Variants in GSTCD observed in about 807,000 individuals in gnomAD.
The protein encoded by GSTCD is glutathione S-transferase C-terminal domain containing, also known as glutathione S-transferase C-terminal domain-containing protein.
GSTCD carries 44 observed loss-of-function variants against 68.3 expected under a neutral mutation model. The observed-to-expected ratio is 0.64, with a 90% CI of 0.51 to 0.83. The LOEUF (loss-of-function observed/expected upper bound fraction) is 0.83, where lower values mean the gene tolerates loss of function less well. Ranked by LOEUF, GSTCD falls within the 40% of genes least tolerant of loss-of-function variation. The pLI, the probability that GSTCD is intolerant of heterozygous loss-of-function variation, is 0.00. For synonymous variants in GSTCD, 273 were observed against 255.2 expected (o/e 1.07, Z -0.67); for missense variants, 739 against 735.9 (o/e 1.00, Z -0.05).
chr4:105,794,292 T>C (rs566730610), intron 5 of GSTCD, among the ~76,000 whole-genome samples: 6 of 152,078 alleles, frequency 3.9e-5, no homozygotes, highest in Non-Finnish European at 8.8e-5. Context: ...CAGAGGATAT[T>C]TAGGGCAATG....
chr4:105,713,974 T>A (rs1191795268), intron 1 of GSTCD, among the ~76,000 whole-genome samples: 2 of 152,008 alleles, frequency 1.3e-5, no homozygotes, highest in African/African-American at 4.8e-5. Flanking sequence ...TGTTTATCTC[T>A]CATTCTCTGT....
intron 7 of GSTCD, 39 bp downstream of exon 7, chr4:105,823,314 A>G (rs776159492): frequency 2.5e-6 from 4 of 1,602,140 alleles, no homozygotes; most frequent in Non-Finnish European, 2.6e-6. Context: ...ATATTTTAAA[A>G]TTATACAGTT....
intron 3 of GSTCD, among the ~76,000 whole-genome samples, chr4:105,721,558 T>A (rs1171304102): frequency 6.6e-6 from 1 of 152,062 alleles, no homozygotes; most frequent in Non-Finnish European, 1.5e-5. Flanking sequence ...AGGGTCAAAA[T>A]TAGAAGAACT....
intron 8 of GSTCD, among the ~76,000 whole-genome samples, chr4:105,831,322 G>C (rs1723885206): frequency 6.6e-6 from 1 of 152,128 alleles, no homozygotes; most frequent in African/African-American, 2.4e-5. Context: ...CCTTTTACAG[G>C]TAGAGAATTT....
At chr4:105,789,878 C>T (rs968595097) in intron 5 of GSTCD, among the ~76,000 whole-genome samples, 21 of 151,416 alleles carry the variant, frequency 1.4e-4, no homozygotes, top group Non-Finnish European at 2.5e-4. Context: ...GGGCCAGCTT[C>T]CTGATCTCTC....
intron 1 of GSTCD, among the ~76,000 whole-genome samples, chr4:105,716,219 A>T (rs1444060520): frequency 6.6e-6 from 1 of 152,218 alleles, no homozygotes; most frequent in African/African-American, 2.4e-5. Flanking sequence ...GGAAGAAAAA[A>T]CATAGATGGA....
chr4:105,776,593 A>AGTT (rs1300465932), intron 5 of GSTCD, among the ~76,000 whole-genome samples: 1 of 151,996 alleles, frequency 6.6e-6, no homozygotes, highest in Non-Finnish European at 1.5e-5. Flanking sequence ...TAGGGGAGGG[A>AGTT]GTTCCCTGAC....
At chr4:105,790,003 A>C (rs548520568) in intron 5 of GSTCD, among the ~76,000 whole-genome samples, 1 of 152,080 alleles carries the variant, frequency 6.6e-6, no homozygotes, top group African/African-American at 2.4e-5. Flanking sequence ...ATTCACTGCA[A>C]CTCACCAGAT....
chr4:105,825,208 T>A (rs192349866), intron 7 of GSTCD, among the ~76,000 whole-genome samples: 240 of 152,084 alleles, frequency 1.6e-3, no homozygotes, highest in African/African-American at 5.6e-3. Flanking sequence ...CAGCTCACTA[T>A]AACCTCTGCT....
intron 5 of GSTCD, among the ~76,000 whole-genome samples, chr4:105,808,935 C>T (rs976834363): frequency 1.3e-5 from 2 of 152,028 alleles, no homozygotes; most frequent in African/African-American, 4.8e-5. Flanking sequence ...TGCAATATTG[C>T]AGTGCTTGAG....
intron 5 of GSTCD, among the ~76,000 whole-genome samples, chr4:105,813,016 A>G (rs1463774185): frequency 6.6e-6 from 1 of 152,180 alleles, no homozygotes; most frequent in Non-Finnish European, 1.5e-5. Context: ...TAAAGGATTT[A>G]TGTTTTCTGG....
intron 5 of GSTCD, among the ~76,000 whole-genome samples, chr4:105,748,512 GTTAT>G (rs1175032863): frequency 1.3e-5 from 2 of 152,060 alleles, no homozygotes; most frequent in African/African-American, 2.4e-5. Context: ...TTGTCAAAAT[GTTAT>G]TTAAAGTGTT....
chr4:105,755,432 TCTC>T (rs2149230776), intron 5 of GSTCD, among the ~76,000 whole-genome samples: 1 of 152,230 alleles, frequency 6.6e-6, no homozygotes, highest in East Asian at 1.9e-4. Flanking sequence ...TACTATCTGA[TCTC>T]CTGCTGTGGC....
At chr4:105,735,670 G>A (rs1733437137) in intron 5 of GSTCD, among the ~76,000 whole-genome samples, 1 of 152,052 alleles carries the variant, frequency 6.6e-6, no homozygotes, top group Admixed American at 6.5e-5. Flanking sequence ...TCAATGGGCA[G>A]CACCCACTGT....
chr4:105,767,049 A>G (rs1414241895), intron 5 of GSTCD, among the ~76,000 whole-genome samples: 1 of 152,018 alleles, frequency 6.6e-6, no homozygotes, highest in Non-Finnish European at 1.5e-5. Context: ...CGCCCCCAGA[A>G]CAGAATATGT....
At chr4:105,771,481 T>C (rs1307190680) in intron 5 of GSTCD, among the ~76,000 whole-genome samples, 1 of 152,196 alleles carries the variant, frequency 6.6e-6, no homozygotes, top group Non-Finnish European at 1.5e-5. Context: ...TAGGTTTTCT[T>C]CTAGAGTTTT....
In GSTCD at chr4:105,747,898, G is replaced by GTTA. The variant is rs1365543987; in HGVS notation, c.1240+18401_1240+18402insATT. On this transcript the variant is annotated intron_variant, in intron 5 of 11. Coordinates refer to ENST00000515279, the MANE Select transcript of GSTCD (RefSeq NM_001370181.1). ...TTGACAGTGTAAACAGTTTGTTGTT[G>GTTA]TTGTTTATATTAAATAACTTTAGAT... Among the ~76,000 whole-genome samples, 5 of 151,244 alleles carry GTTA rather than the reference G, an allele frequency of 3.3e-5. No individual in the cohort carries two copies. The Admixed American group carries it at 3.3e-4, about 10-fold the overall frequency.
At chr4:105,784,779 T>C (rs1735402078) in intron 5 of GSTCD, among the ~76,000 whole-genome samples, 1 of 152,318 alleles carries the variant, frequency 6.6e-6, no homozygotes, top group African/African-American at 2.4e-5. Context: ...ATTCTATTAT[T>C]ATCATTATTT....
chr4:105,763,001 T>G (rs901132556), intron 5 of GSTCD, among the ~76,000 whole-genome samples: 4 of 152,174 alleles, frequency 2.6e-5, no homozygotes, highest in Admixed American at 1.3e-4. Context: ...TAGCATGATA[T>G]CTCCCTCATT....
Sources: gnomAD v4.1 joint callset for allele counts (sites outside exome capture counted in the v4.1 genomes callset) on GRCh38, gnomAD v4.1.1 for gene constraint, MANE v1.5 for transcripts, NCBI Gene and HGNC (gene_info 2026-07-23, HGNC 2026-07-21) for gene names.